Variants in TLCD4 observed in about 807,000 individuals in gnomAD.
The protein encoded by TLCD4 is TLC domain-containing protein 4.
TLCD4 carries 7 observed loss-of-function variants against 24.2 expected under a neutral mutation model. The ratio of observed to expected loss-of-function variants is 0.29; its 90% confidence interval spans 0.16 to 0.54. The LOEUF (loss-of-function observed/expected upper bound fraction) is 0.54. Among genes scored for constraint, TLCD4 ranks in the 20% least tolerant of loss-of-function variants. TLCD4 has a pLI of 0.95. For synonymous variants in TLCD4, 103 were observed against 106.4 expected, an observed-to-expected ratio of 0.97 and a Z score of 0.20; for missense variants, 259 against 313.9, an observed-to-expected ratio of 0.82 and a Z score of 1.32.
chr1:95,181,480 T>C (rs1331979104), intron 6 of TLCD4, among the ~76,000 whole-genome samples: 2 of 152,330 alleles, frequency 1.3e-5, no homozygotes, highest in East Asian at 3.9e-4. Context: ...AAAGGGTAAG[T>C]AAATGTGAAA....
chr1:95,168,317 C>T (rs951354452), intron 5 of TLCD4, among the ~76,000 whole-genome samples: 2 of 152,070 alleles, frequency 1.3e-5, no homozygotes, highest in Non-Finnish European at 2.9e-5. Flanking sequence ...TCACTGTCTG[C>T]TTCTAGATGT....
the TLCD4 span, among the ~76,000 whole-genome samples, chr1:95,094,083 C>T: frequency 6.6e-6 from 1 of 152,184 alleles, no homozygotes; most frequent in African/African-American, 2.4e-5. Context: ...AAGCCTTGCT[C>T]TCAGTCTCTT....
At chr1:95,144,252 A>G (rs1274765641) in intron 2 of TLCD4, among the ~76,000 whole-genome samples, 196 bp downstream of exon 2, 1 of 152,242 alleles carries the variant, frequency 6.6e-6, no homozygotes, top group African/African-American at 2.4e-5. Context: ...GAAAGATGTT[A>G]GGAGAAATTT....
chr1:95,100,524 G>A, the TLCD4 span, among the ~76,000 whole-genome samples: 8 of 152,202 alleles, frequency 5.3e-5, no homozygotes, highest in South Asian at 1.7e-3. Flanking sequence ...GCAGTGAGCT[G>A]AGATTGTGCC....
At chr1:95,096,534 G>A in the TLCD4 span, among the ~76,000 whole-genome samples, 27 of 152,284 alleles carry the variant, frequency 1.8e-4, 1 homozygote, top group Admixed American at 1.5e-3. Context: ...AATAGTCAAT[G>A]TCTCTGAGGA....
intron 6 of TLCD4, among the ~76,000 whole-genome samples, chr1:95,184,620 C>T (rs1056795568): frequency 1.3e-5 from 2 of 152,084 alleles, no homozygotes; most frequent in Non-Finnish European, 2.9e-5. Context: ...TAAATACATA[C>T]AATTTGCTGT....
At chr1:95,126,432 G>GA (rs35106714) in intron 1 of TLCD4, among the ~76,000 whole-genome samples, 1 of 137,268 alleles carries the variant, frequency 7.3e-6, no homozygotes, top group African/African-American at 2.7e-5. Flanking sequence ...TGTCTCAGGA[G>GA]AAAAAAAAAA....
intron 1 of TLCD4, chr1:95,140,550 C>T (rs1039138929): frequency 6.6e-6 from 1 of 152,152 alleles, no homozygotes; most frequent in Non-Finnish European, 1.5e-5. Context: ...TTCAACAGGT[C>T]TCTGGAAAAG....
chr1:95,197,110 G>A lies in TLCD4; in HGVS notation c.*5242G>A, dbSNP rs750386442. On this transcript the variant is annotated 3_prime_UTR_variant, in exon 7 of 7. Transcript: ENST00000370203. ...AATATATAATTGTCAAAGATTTTTG[G>A]AAGTCTTTCAAAATATACTTAATAC... The A allele has an allele frequency of 1.3e-5, 2 of 151,894 alleles. No homozygotes were observed. Among genetic ancestry groups the A allele is most frequent in the Non-Finnish European group, 2.9e-5 (2 of 67,968 alleles). The allele number at this position is 151,894 out of a possible 1,614,324, so 9.4% of individuals were successfully genotyped here. A position where few individuals can be genotyped will look rare whatever the true frequency, so the allele number is the denominator to read the frequency against.
upstream of TLCD4, among the ~76,000 whole-genome samples, chr1:95,116,732 TA>T (rs1676438937): frequency 1.3e-5 from 2 of 152,208 alleles, no homozygotes; most frequent in Admixed American, 6.5e-5. Context: ...CAGCACCAAA[TA>T]TTCAAATCCA....
the TLCD4 span, among the ~76,000 whole-genome samples, chr1:95,107,958 G>A: frequency 1.3e-5 from 2 of 152,188 alleles, no homozygotes; most frequent in Admixed American, 1.3e-4. Context: ...AAAGAGTAGT[G>A]AGGAAGTAGA....
At position 95,197,127 on chromosome 1, in the gene TLCD4, A is replaced by G. The variant is rs1246539145; in HGVS notation, c.*5259A>G. Reference sequence around the variant, plus strand: ...GATTTTTGGAAGTCTTTCAAAATATACTTAATACCATTTTGAGAACATACC... The same window carrying G: ...GATTTTTGGAAGTCTTTCAAAATATGCTTAATACCATTTTGAGAACATACC... On this transcript the variant is annotated 3_prime_UTR_variant, in exon 7 of 7. Coordinates refer to ENST00000370203, the MANE Select transcript of TLCD4 (RefSeq NM_152487.3). 3 of 152,198 alleles carry G rather than the reference A, an allele frequency of 2.0e-5. No homozygotes were observed. Among genetic ancestry groups the G allele is most frequent in the Non-Finnish European group, 4.4e-5 (3 of 68,020 alleles). The allele number at this position is 152,198 out of a possible 1,614,324, so 9.4% of individuals were successfully genotyped here. A position where few individuals can be genotyped will look rare whatever the true frequency, so the allele number is the denominator to read the frequency against.
At chr1:95,171,743 A>G (rs1008847298) in intron 5 of TLCD4, among the ~76,000 whole-genome samples, 3 of 152,198 alleles carry the variant, frequency 2.0e-5, no homozygotes, top group Admixed American at 6.5e-5. Context: ...AACAGAACAT[A>G]TTGCACAATA....
At chr1:95,139,777 A>G (rs564572227) in intron 1 of TLCD4, among the ~76,000 whole-genome samples, 73 of 152,224 alleles carry the variant, frequency 4.8e-4, no homozygotes, top group African/African-American at 1.6e-3. Context: ...CTTTTTAATA[A>G]CACTTATCTG....
the TLCD4 span, among the ~76,000 whole-genome samples, chr1:95,101,424 TG>T: frequency 2.7e-5 from 4 of 150,490 alleles, no homozygotes; most frequent in South Asian, 2.1e-4. Context: ...TGTGTGTGTG[TG>T]TGTGTGTGTG....
In TLCD4 at chr1:95,192,870, A is replaced by T. The variant is rs1679072075; in HGVS notation, c.*1002A>T. On this transcript the variant is annotated 3_prime_UTR_variant, in exon 7 of 7. Coordinates refer to ENST00000370203, the MANE Select transcript of TLCD4 (RefSeq NM_152487.3). Reference sequence around the variant, plus strand: ...TTTATTTTATAATAAGGCTTAAGACAGATTATAGACCTCCTTAAGAGATGA... The same window carrying T: ...TTTATTTTATAATAAGGCTTAAGACTGATTATAGACCTCCTTAAGAGATGA... 1 of 152,196 alleles carries T rather than the reference A, an allele frequency of 6.6e-6. No individual in the cohort carries two copies. The highest frequency in any genetic ancestry group is 1.5e-5 in the Non-Finnish European group (1 of 68,008). The allele number at this position is 152,196 out of a possible 1,614,324, so 9.4% of individuals were successfully genotyped here.
chr1:95,105,893 T>TCAAAAAAAAAGA, the TLCD4 span, among the ~76,000 whole-genome samples: 1 of 102,864 alleles, frequency 9.7e-6, no homozygotes, highest in Non-Finnish European at 2.1e-5. Context: ...AGACTCCGTC[T>TCAAAAAAAAAGA]TAAAAAAAAA....
chr1:95,171,308 C>A (rs1443403873), intron 5 of TLCD4, among the ~76,000 whole-genome samples: 1 of 152,024 alleles, frequency 6.6e-6, no homozygotes, highest in Non-Finnish European at 1.5e-5. Context: ...CTATCCTAGT[C>A]GTACCATTTT....
At chr1:95,115,106 A>AAT (rs1676406045), upstream of TLCD4, among the ~76,000 whole-genome samples, 2 of 102,608 alleles carry the variant, frequency 1.9e-5, no homozygotes, top group African/African-American at 5.8e-5. Flanking sequence ...ATATATATAT[A>AAT]ATATATATGT....
Sources: gnomAD v4.1 joint callset for allele counts (sites outside exome capture counted in the v4.1 genomes callset) on GRCh38, gnomAD v4.1.1 for gene constraint, MANE v1.5 for transcripts, NCBI Gene and HGNC (gene_info 2026-07-23, HGNC 2026-07-21) for gene names.